The following CPAMD8 variants were observed in gnomAD, a reference collection of about 807,000 sequenced individuals.
CPAMD8 encodes the protein C3 and PZP like alpha-2-macroglobulin domain containing 8.
Under a neutral mutation model 224.7 loss-of-function variants are expected in CPAMD8, and 146 were observed. The observed-to-expected ratio is 0.65, with a 90% CI of 0.57 to 0.75. The LOEUF is 0.75. Among genes scored for constraint, CPAMD8 ranks in the 30% least tolerant of loss-of-function variants. CPAMD8 has a pLI of 0.00. For missense variants in CPAMD8, 2,301 were observed against 2,537.5 expected (o/e 0.91, Z 2.00); for synonymous variants, 966 against 1,044.6 (o/e 0.92, Z 1.45).
chr19:16,989,507 GA>G, intron 13 of CPAMD8, 135 bp downstream of exon 13: 1 of 1,106,292 alleles, frequency 9.0e-7, no homozygotes, highest in Non-Finnish European at 1.3e-6. Flanking sequence ...GGCTGGTCTC[GA>G]AATCCTAACC....
chr19:16,941,123 G>C (rs2883088), intron 22 of CPAMD8, among the ~76,000 whole-genome samples: 41,441 of 151,940 alleles, frequency 0.27, 5,761 homozygotes, highest in African/African-American at 0.3. Context: ...AGTAGAGACG[G>C]GGTTTCACCA....
At position 16,951,953 on chromosome 19, in the gene CPAMD8, T is replaced by C. The variant is rs766766654; in HGVS notation, c.2508+16A>G. On this transcript the variant is annotated intron_variant, in intron 20 of 41. Coordinates refer to ENST00000443236, the MANE Select transcript of CPAMD8 (RefSeq NM_015692.5). The stretch of plus-strand genomic sequence containing the variant: ...CACTGAATGGAGGAAGGCTATGTAT[T>C]TGGGGGGCTGAGTACCTCAGCGCAG... 6.1e-6 allele frequency: 9 copies of C among 1,476,274 alleles called. No individual in the cohort carries two copies. The highest frequency in any genetic ancestry group is 4.8e-5 in the East Asian group (2 of 41,408). 91.4% of individuals were successfully genotyped at this position (1,476,274 alleles called of 1,614,324 possible).
intron 8 of CPAMD8, among the ~76,000 whole-genome samples, chr19:17,003,969 C>T (rs528048437): frequency 6.6e-6 from 1 of 151,256 alleles, no homozygotes; most frequent in Non-Finnish European, 1.5e-5. Context: ...CGCAGTAGTG[C>T]GATCTTGGCT....
At chr19:16,900,781 G>A (rs894644914) in intron 36 of CPAMD8, among the ~76,000 whole-genome samples, 3 of 152,036 alleles carry the variant, frequency 2.0e-5, no homozygotes, top group Admixed American at 6.6e-5. Context: ...TGAGGCTGAG[G>A]CGGGAGGATT....
chr19:16,947,376 C>T, intron 20 of CPAMD8, 149 bp from the exon 21 acceptor site: 1 of 961,132 alleles, frequency 1.0e-6, no homozygotes. Context: ...GTCCCCTTTC[C>T]ATTTCCGATC....
chr19:16,985,551 T>G (rs1599848283), intron 13 of CPAMD8, among the ~76,000 whole-genome samples: 1 of 133,246 alleles, frequency 7.5e-6, no homozygotes, highest in Non-Finnish European at 1.6e-5. Context: ...GATAGATGGG[T>G]GGAGAAAGGA....
chr19:17,004,295 CTTG>C lies in CPAMD8; in HGVS notation c.648_650del (p.Asn216del), dbSNP rs753619046. 3.0e-5 allele frequency: 49 copies of C among 1,609,552 alleles called. No homozygotes were observed. The highest frequency in any genetic ancestry group is 6.7e-5 in the Admixed American group (4 of 59,976). Reference sequence around the variant, plus strand: ...TACCATACTTCTGAACTTCAAAAGACTTGTTGTACGCGTGGCCTTGCATTTCAA... The same window carrying C: ...TACCATACTTCTGAACTTCAAAAGACTTGTACGCGTGGCCTTGCATTTCAA... On this transcript the variant is annotated inframe_deletion, in exon 8 of 42. Transcript: ENST00000443236.
chr19:17,005,110 A>G (rs538195417), intron 7 of CPAMD8, among the ~76,000 whole-genome samples: 7 of 150,302 alleles, frequency 4.7e-5, no homozygotes, highest in African/African-American at 1.7e-4. Context: ...GCTGACCATC[A>G]TCCCTGGCCT....
At chr19:16,894,430 C>T (rs764658958) in intron 41 of CPAMD8, 4 of 456,564 alleles carry the variant, frequency 8.8e-6, no homozygotes, top group African/African-American at 2.0e-5. Context: ...GAAGAGAAGC[C>T]GCTCTGACTG....
chr19:16,997,896 A>AG (rs2056186377), intron 10 of CPAMD8, among the ~76,000 whole-genome samples: 1 of 151,924 alleles, frequency 6.6e-6, no homozygotes, highest in Non-Finnish European at 1.5e-5. Context: ...CAGGCAACAG[A>AG]GGGGGCAGCT....
chr19:16,920,961 T>G (rs2144891619), intron 27 of CPAMD8, among the ~76,000 whole-genome samples: 1 of 148,672 alleles, frequency 6.7e-6, no homozygotes, highest in Non-Finnish European at 1.5e-5. Context: ...TTTTGGAGAG[T>G]GACTCAGTGG....
At chr19:16,985,634 AGAGG>A (rs945220627) in intron 13 of CPAMD8, among the ~76,000 whole-genome samples, 7 of 145,334 alleles carry the variant, frequency 4.8e-5, no homozygotes, top group African/African-American at 1.8e-4. Flanking sequence ...AGGGAGGCGC[AGAGG>A]GAGGGTGGAT....
Position 16,949,051 on chromosome 19 carries a change from AGGGG to A in CPAMD8, c.2509-1828_2509-1825del, listed in dbSNP as rs374916765. ...AAAGAAAGAAGGAAGGAAGGACGGG[AGGGG>A]GGGAGGGAGGGAGGAAGGAAGGGAG... On this transcript the variant is annotated intron_variant, in intron 20 of 41. Coordinates refer to ENST00000443236, the MANE Select transcript of CPAMD8 (RefSeq NM_015692.5). Among the ~76,000 whole-genome samples the A allele has an allele frequency of 9.2e-3, 653 of 70,792 alleles. 4 individuals are homozygous for A. Among genetic ancestry groups the A allele is most frequent in the African/African-American group, 0.031 (604 of 19,428 alleles). 46.4% of individuals were successfully genotyped at this position (70,792 alleles called of 152,430 possible).
intron 22 of CPAMD8, among the ~76,000 whole-genome samples, chr19:16,941,936 G>A (rs2122192393): frequency 6.6e-6 from 1 of 152,270 alleles, no homozygotes; most frequent in South Asian, 2.1e-4. Flanking sequence ...TCATGCCATT[G>A]CACTCCAGCG....
In CPAMD8 at chr19:16,970,952, G is replaced by T. The variant is rs981682287; in HGVS notation, c.2152C>A (p.Pro718Thr). ...DGGLYTDEAV[P>T]AFQPHTGSLV... ...CTCCCTGTGTGGGGCTGGAAAGCGGGGACAGCCTCATCGGTGTAGAGGCCA... is the reference window on the plus strand; with the variant it reads ...CTCCCTGTGTGGGGCTGGAAAGCGGTGACAGCCTCATCGGTGTAGAGGCCA... The change falls in exon 18 of 42, where the codon CCC becomes ACC. Residue 718 changes from proline (P) to threonine (T), a missense_variant. Transcript: ENST00000443236. 6.8e-6 allele frequency: 11 copies of T among 1,613,798 alleles called. No individual in the cohort carries two copies. The highest frequency in any genetic ancestry group is 9.3e-6 in the Non-Finnish European group (11 of 1,179,912).
At chr19:17,003,903 TTTTC>T (rs2056408665) in intron 8 of CPAMD8, among the ~76,000 whole-genome samples, 2 of 150,234 alleles carry the variant, frequency 1.3e-5, no homozygotes, top group African/African-American at 4.9e-5. Flanking sequence ...ACCAGTTTCC[TTTTC>T]TTTTTCTTTT....
chr19:16,940,908 AGG>A (rs1339318913), intron 22 of CPAMD8, among the ~76,000 whole-genome samples: 4 of 152,148 alleles, frequency 2.6e-5, no homozygotes, highest in Non-Finnish European at 1.5e-5. Context: ...GGGCAGGGCT[AGG>A]CCATTGTAAC....
Position 16,893,224 on chromosome 19 carries a change from G to C in CPAMD8, c.5542C>G (p.Arg1848Gly). The change falls in exon 42 of 42, where the codon CGG (arginine) becomes GGG (glycine). Residue 1848 changes from arginine to glycine, a missense_variant. By Grantham distance (125) the Arg-to-Gly change is moderately radical (BLOSUM62 -2). Transcript: ENST00000443236. The stretch of plus-strand genomic sequence containing the variant: ...CCTGGCCTGTGGGCCCCCACCACCC[G>C]GCCACTATGTCTCTGAGGGGCCGGA... ...QTPAPQRHSG[R>G]VVGAHRPGLL... The C allele has an allele frequency of 6.3e-7, 1 of 1,589,182 alleles. No homozygotes were observed.
intron 23 of CPAMD8, among the ~76,000 whole-genome samples, chr19:16,933,077 G>C (rs538718772): frequency 2.6e-5 from 4 of 152,210 alleles, no homozygotes; most frequent in African/African-American, 9.6e-5. Context: ...TTGAGGCCAG[G>C]AGTTCAAGAC....
Sources: allele counts gnomAD v4.1 joint callset (sites outside exome capture counted in the v4.1 genomes callset), GRCh38; gene constraint gnomAD v4.1.1; transcripts MANE v1.5; gene names NCBI Gene and HGNC (gene_info 2026-07-23, HGNC 2026-07-21).